The following OLFM3 variants were observed in gnomAD, a reference collection of about 807,000 sequenced individuals.
OLFM3 encodes olfactomedin 3.
Under a neutral mutation model 48.6 loss-of-function variants are expected in OLFM3, and 20 were observed. That is an observed-to-expected ratio of 0.41 (90% CI 0.29 to 0.60). OLFM3 has a LOEUF of 0.60. OLFM3 is among the 20% of genes least tolerant of loss of function. The pLI, the probability that OLFM3 is intolerant of heterozygous loss-of-function variation, is 0.28. For synonymous variants in OLFM3, 222 were observed against 198.1 expected (o/e 1.12, Z -1.01); for missense variants, 437 against 544.3 (o/e 0.80, Z 1.96).
intron 1 of OLFM3, among the ~76,000 whole-genome samples, chr1:101,935,882 C>T (rs1483763396): frequency 1.3e-5 from 2 of 152,024 alleles, no homozygotes; most frequent in Admixed American, 6.6e-5. Flanking sequence ...CACATGATCA[C>T]CTTAATAGAT....
At chr1:101,973,062 T>C (rs879441320) in intron 1 of OLFM3, among the ~76,000 whole-genome samples, 7 of 152,190 alleles carry the variant, frequency 4.6e-5, no homozygotes, top group Non-Finnish European at 8.8e-5. Flanking sequence ...AAAAATATAG[T>C]GCTATGGGGC....
chr1:101,950,465 G>T (rs1362009402), intron 1 of OLFM3, among the ~76,000 whole-genome samples: 2 of 146,872 alleles, frequency 1.4e-5, no homozygotes, highest in Non-Finnish European at 3.0e-5. Flanking sequence ...TTGAGACGGA[G>T]TCTCGCTCTG....
chr1:101,970,533 C>CGTACT (rs1484241022), intron 1 of OLFM3, among the ~76,000 whole-genome samples: 1 of 152,130 alleles, frequency 6.6e-6, no homozygotes, highest in African/African-American at 2.4e-5. Flanking sequence ...GCTTTTCTTT[C>CGTACT]GTACTCCTTT....
chr1:101,974,582 AC>A, intron 1 of OLFM3, among the ~76,000 whole-genome samples: 1 of 152,186 alleles, frequency 6.6e-6, no homozygotes, highest in Non-Finnish European at 1.5e-5. Flanking sequence ...GGTTATAAGG[AC>A]CCATAGTGTC....
chr1:101,932,445 G>A (rs1175622375), intron 1 of OLFM3, among the ~76,000 whole-genome samples: 1 of 152,200 alleles, frequency 6.6e-6, no homozygotes, highest in Non-Finnish European at 1.5e-5. Context: ...GGTGGATAGA[G>A]GGAGGACATA....
intron 1 of OLFM3, among the ~76,000 whole-genome samples, chr1:101,856,748 G>A (rs1424621998): frequency 6.6e-6 from 1 of 151,820 alleles, no homozygotes; most frequent in East Asian, 1.9e-4. Flanking sequence ...CATTCTTTGG[G>A]GCAGGAACTG....
chr1:101,994,912 G>A (rs550085720), intron 1 of OLFM3, among the ~76,000 whole-genome samples: 70 of 152,076 alleles, frequency 4.6e-4, no homozygotes, highest in African/African-American at 1.4e-3. Flanking sequence ...AAAGTAAAAA[G>A]TTTTGTAGCA....
At chr1:101,918,123 T>C (rs1194770382) in intron 1 of OLFM3, among the ~76,000 whole-genome samples, 1 of 152,232 alleles carries the variant, frequency 6.6e-6, no homozygotes, top group Non-Finnish European at 1.5e-5. Flanking sequence ...GATCATTTAT[T>C]GAACAACCAC....
intron 1 of OLFM3, among the ~76,000 whole-genome samples, chr1:101,989,292 C>T (rs1407457167): frequency 6.6e-6 from 1 of 152,054 alleles, no homozygotes; most frequent in Non-Finnish European, 1.5e-5. Context: ...ACATGCTTTA[C>T]AACACCTTGT....
chr1:101,864,561 A>T (rs1449071551), intron 1 of OLFM3, among the ~76,000 whole-genome samples: 2 of 152,152 alleles, frequency 1.3e-5, no homozygotes, highest in African/African-American at 4.8e-5. Context: ...TAATTCTCTA[A>T]CAAAATTGTA....
At chr1:101,805,364 A>C (rs185251192) in intron 5 of OLFM3, among the ~76,000 whole-genome samples, 1 of 151,980 alleles carries the variant, frequency 6.6e-6, no homozygotes, top group Admixed American at 6.6e-5. Context: ...AGTACCATAG[A>C]ATCTTCTAGA....
intron 1 of OLFM3, among the ~76,000 whole-genome samples, chr1:101,903,765 G>A (rs1658465406): frequency 6.6e-6 from 1 of 151,906 alleles, no homozygotes; most frequent in Non-Finnish European, 1.5e-5. Context: ...CCTTCTTAAG[G>A]AAATTTGGTA....
intron 1 of OLFM3, among the ~76,000 whole-genome samples, chr1:101,979,376 G>T (rs113793005): frequency 1.3e-5 from 2 of 152,074 alleles, no homozygotes; most frequent in Non-Finnish European, 2.9e-5. Flanking sequence ...TAATCCCCAC[G>T]TTTCAAGGGT....
chr1:101,934,680 C>T (rs1203417961), intron 1 of OLFM3, among the ~76,000 whole-genome samples: 1 of 152,020 alleles, frequency 6.6e-6, no homozygotes, highest in Admixed American at 6.6e-5. Context: ...TTCTCATCTG[C>T]ACATAGCATA....
At chr1:101,871,556 C>T (rs1236437689) in intron 1 of OLFM3, among the ~76,000 whole-genome samples, 1 of 151,960 alleles carries the variant, frequency 6.6e-6, no homozygotes, top group Non-Finnish European at 1.5e-5. Context: ...GACACAAACC[C>T]TAAAATAGAC....
chr1:101,830,133 C>T (rs542247177), intron 3 of OLFM3, among the ~76,000 whole-genome samples: 12 of 152,218 alleles, frequency 7.9e-5, no homozygotes, highest in South Asian at 2.1e-4. Flanking sequence ...CCACCACGCC[C>T]GGCCGAGTTT....
chr1:101,936,620 TG>T (rs1447338798), intron 1 of OLFM3, among the ~76,000 whole-genome samples: 3 of 152,126 alleles, frequency 2.0e-5, no homozygotes, highest in African/African-American at 7.2e-5. Flanking sequence ...AAAGTTTATA[TG>T]AAACCCAAAA....
At chr1:101,876,605 A>C (rs990914319) in intron 1 of OLFM3, among the ~76,000 whole-genome samples, 20 of 152,040 alleles carry the variant, frequency 1.3e-4, no homozygotes, top group African/African-American at 4.6e-4. Context: ...AGAGATAAAC[A>C]ATAGATTTGT....
chr1:101,844,065 C>G (rs1570553579), intron 1 of OLFM3, among the ~76,000 whole-genome samples: 1 of 152,108 alleles, frequency 6.6e-6, no homozygotes, highest in African/African-American at 2.4e-5. Flanking sequence ...ACCCTTCCAT[C>G]TAAGGGAAGA....
Sources: allele counts gnomAD v4.1 joint callset (sites outside exome capture counted in the v4.1 genomes callset), GRCh38; gene constraint gnomAD v4.1.1; transcripts MANE v1.5; gene names NCBI Gene and HGNC (gene_info 2026-07-23, HGNC 2026-07-21).